The following TNFRSF21 variants were observed in gnomAD, a reference collection of about 807,000 sequenced individuals.
The protein encoded by TNFRSF21 is TNF receptor superfamily member 21.
Under a neutral mutation model 45.6 loss-of-function variants are expected in TNFRSF21, and 19 were observed. The observed-to-expected ratio is 0.42, with a 90% CI of 0.29 to 0.61. The LOEUF is 0.61. TNFRSF21 is among the 20% of genes least tolerant of loss of function. The pLI, the probability that TNFRSF21 is intolerant of heterozygous loss-of-function variation, is 0.23. For synonymous variants in TNFRSF21, 314 were observed against 335.5 expected (o/e 0.94, Z 0.70); for missense variants, 737 against 851.5 (o/e 0.87, Z 1.67).
chr6:47,303,622 C>T (rs936433625), intron 1 of TNFRSF21, among the ~76,000 whole-genome samples: 9 of 152,158 alleles, frequency 5.9e-5, no homozygotes, highest in South Asian at 4.1e-4. Context: ...TATCAGTGAA[C>T]CCCACCTCTG....
chr6:47,268,114 G>A (rs1762361634), intron 3 of TNFRSF21, among the ~76,000 whole-genome samples: 1 of 152,182 alleles, frequency 6.6e-6, no homozygotes, highest in Non-Finnish European at 1.5e-5. Flanking sequence ...CCCAGCTCAG[G>A]ATCCAAGGCC....
intron 3 of TNFRSF21, among the ~76,000 whole-genome samples, chr6:47,254,854 TA>T (rs1561941260): frequency 5.3e-5 from 8 of 152,220 alleles, no homozygotes. Context: ...AACATCTTTA[TA>T]AGGCATTAAT....
At chr6:47,271,701 T>A (rs1291801416) in intron 3 of TNFRSF21, among the ~76,000 whole-genome samples, 2 of 152,080 alleles carry the variant, frequency 1.3e-5, no homozygotes, top group Non-Finnish European at 2.9e-5. Flanking sequence ...AATGCCCCAA[T>A]TAAAAGACAC....
chr6:47,276,527 T>C (rs1762500266), intron 3 of TNFRSF21, among the ~76,000 whole-genome samples: 1 of 152,174 alleles, frequency 6.6e-6, no homozygotes, highest in Non-Finnish European at 1.5e-5. Context: ...AGATGACAAG[T>C]CTATGGCATA....
intron 3 of TNFRSF21, among the ~76,000 whole-genome samples, chr6:47,280,924 TC>T (rs1294468781): frequency 2.6e-5 from 4 of 152,196 alleles, no homozygotes; most frequent in Non-Finnish European, 5.9e-5. Context: ...AGAGGACAGT[TC>T]CAGATATTTA....
At position 47,243,326 on chromosome 6, in the gene TNFRSF21, C is replaced by T. The variant is rs116553997; in HGVS notation, c.1510-8428G>A. 2.9e-3 allele frequency among the ~76,000 whole-genome samples: 439 copies of T among 152,164 alleles called. 2 individuals carry two copies. Among genetic ancestry groups the T allele is most frequent in the African/African-American group, 0.01 (419 of 41,486 alleles). ...AATAAGTATATATGTTCTCCACCCC[C>T]CTTATTTTTTAAAACAATTTTTAAC... is the stretch of plus-strand genomic sequence containing the variant. On this transcript the variant is annotated intron_variant, in intron 4 of 5. Transcript: ENST00000296861.
chr6:47,264,789 G>C (rs1385975247), intron 3 of TNFRSF21, among the ~76,000 whole-genome samples: 5 of 152,190 alleles, frequency 3.3e-5, no homozygotes, highest in African/African-American at 1.2e-4. Context: ...CTCAGAGGTG[G>C]AAAAGGCAGT....
At chr6:47,243,531 CCTTAGCCTCCTGA>C (rs1764778093) in intron 4 of TNFRSF21, among the ~76,000 whole-genome samples, 1 of 151,978 alleles carries the variant, frequency 6.6e-6, no homozygotes, top group Non-Finnish European at 1.5e-5. Flanking sequence ...GATTTTCGTG[CCTTAGCCTCCTGA>C]CTAGCTGGGA....
intron 3 of TNFRSF21, among the ~76,000 whole-genome samples, chr6:47,278,047 T>A (rs1344293292): frequency 6.6e-6 from 1 of 152,196 alleles, no homozygotes; most frequent in Non-Finnish European, 1.5e-5. Context: ...TGCTCTCCAG[T>A]GTCCATGGGC....
intron 5 of TNFRSF21, 119 bp downstream of exon 5, chr6:47,234,551 C>T (rs1463740795): frequency 1.4e-5 from 11 of 806,642 alleles, no homozygotes; most frequent in Non-Finnish European, 2.2e-5. Context: ...TCTTCCTGGG[C>T]AGGTAATTCA....
intron 4 of TNFRSF21, among the ~76,000 whole-genome samples, chr6:47,243,752 T>C (rs1764783311): frequency 6.6e-6 from 1 of 152,198 alleles, no homozygotes; most frequent in South Asian, 2.1e-4. Flanking sequence ...TTTTTTCGTT[T>C]AACCCTTCTT....
In TNFRSF21 at chr6:47,296,050, T is replaced by G. The variant is rs1055602364; in HGVS notation, c.97-9455A>C. 5.3e-5 allele frequency among the ~76,000 whole-genome samples: 8 copies of G among 152,166 alleles called. No homozygotes were observed. The South Asian group carries it at 8.3e-4, about 16-fold the overall frequency. On this transcript the variant is annotated intron_variant, in intron 1 of 5. Coordinates refer to ENST00000296861, the MANE Select transcript of TNFRSF21 (RefSeq NM_014452.5). ...CTGGGGCCACAGAACCTCATCTCCT[T>G]CCGTGTCCTTAGAAATAACTATTTC...
At chr6:47,303,941 T>C (rs1296215743) in intron 1 of TNFRSF21, among the ~76,000 whole-genome samples, 4 of 152,260 alleles carry the variant, frequency 2.6e-5, no homozygotes, top group African/African-American at 7.2e-5. Flanking sequence ...GATCCAACTT[T>C]GGGAACCAAA....
At chr6:47,271,565 AAACTGT>A (rs1372359951) in intron 3 of TNFRSF21, among the ~76,000 whole-genome samples, 2 of 152,210 alleles carry the variant, frequency 1.3e-5, no homozygotes, top group African/African-American at 4.8e-5. Flanking sequence ...AAAACATGCC[AAACTGT>A]GAAGACTGTC....
chr6:47,232,613 A>C lies in TNFRSF21; in HGVS notation c.*152T>G, dbSNP rs1764600836. On this transcript the variant is annotated 3_prime_UTR_variant, in exon 6 of 6. Coordinates refer to ENST00000296861, the MANE Select transcript of TNFRSF21 (RefSeq NM_014452.5). ...GAGAAAGAACTCAAGCACTGGCCAT[A>C]TTCTCTGTTAAACACACACACACAC... is the stretch of plus-strand genomic sequence containing the variant. The C allele has an allele frequency of 3.2e-6, 2 of 632,770 alleles. No individual in the cohort carries two copies. Among genetic ancestry groups the C allele is most frequent in the Middle Eastern group, 8.6e-4 (2 of 2,334 alleles). The allele number at this position is 632,770 out of a possible 1,614,324, so 39.2% of individuals were successfully genotyped here.
intron 3 of TNFRSF21, among the ~76,000 whole-genome samples, chr6:47,272,234 ACTTTTTC>A (rs1429659676): frequency 2.6e-5 from 4 of 152,148 alleles, no homozygotes; most frequent in Non-Finnish European, 5.9e-5. Context: ...ACCACATCAC[ACTTTTTC>A]TAAAATTGAC....
At chr6:47,301,060 A>C (rs1051193021) in intron 1 of TNFRSF21, among the ~76,000 whole-genome samples, 2 of 152,238 alleles carry the variant, frequency 1.3e-5, no homozygotes, top group Non-Finnish European at 2.9e-5. Flanking sequence ...TTCTACACCC[A>C]CTAGGTTCTT....
rs148056126 is a variant in TNFRSF21 at position 47,272,080 on chromosome 6, C to A, written c.1243+11858G>T. 3.5e-4 allele frequency among the ~76,000 whole-genome samples: 54 copies of A among 152,236 alleles called. No homozygotes were observed. The East Asian group carries it at 0.01, about 29-fold the overall frequency. ...ACAATAATAATGGGAGACTTTAACACCCCATTGTCAGTATTAGACAGATCA... is the reference window on the plus strand; with the variant it reads ...ACAATAATAATGGGAGACTTTAACAACCCATTGTCAGTATTAGACAGATCA... On this transcript the variant is annotated intron_variant, in intron 3 of 5. Coordinates refer to ENST00000296861, the MANE Select transcript of TNFRSF21 (RefSeq NM_014452.5).
intron 4 of TNFRSF21, among the ~76,000 whole-genome samples, chr6:47,252,922 G>A (rs1253781216): frequency 1.3e-5 from 2 of 152,206 alleles, no homozygotes; most frequent in South Asian, 4.1e-4. Context: ...AGTGTGTCAT[G>A]CAAAATGGAT....
Sources: allele counts gnomAD v4.1 joint callset (sites outside exome capture counted in the v4.1 genomes callset), GRCh38; gene constraint gnomAD v4.1.1; transcripts MANE v1.5; gene names NCBI Gene and HGNC (gene_info 2026-07-23, HGNC 2026-07-21).